Variants in GRIN3B observed in about 807,000 individuals in gnomAD.
The protein encoded by GRIN3B is glutamate receptor ionotropic, NMDA 3B.
A neutral mutation model predicts 66.0 loss-of-function variants in GRIN3B; 77 were observed. That is an observed-to-expected ratio of 1.17 (90% CI 0.97 to 1.41). GRIN3B has a LOEUF of 1.41. Ranked by LOEUF, GRIN3B falls within the 40% of genes most tolerant of loss-of-function variation. GRIN3B has a pLI of 0.00. For missense variants in GRIN3B, 1,787 were observed against 1,564.5 expected, an observed-to-expected ratio of 1.14 and a Z score of -2.40; for synonymous variants, 823 against 749.7, an observed-to-expected ratio of 1.10 and a Z score of -1.60.
chr19:1,008,850 G>A lies in GRIN3B; in HGVS notation c.2632-7G>A, dbSNP rs1290337098. ...TCCTCGCCAACCGGGTCTGTCTGGG[G>A]TCTTAGAAAATCCACCGCGCCCTCA... is the stretch of plus-strand genomic sequence containing the variant. On this transcript the variant is annotated splice_region_variant and splice_polypyrimidine_tract_variant and intron_variant, in intron 7 of 8. Transcript: ENST00000234389. The A allele has an allele frequency of 2.5e-6, 4 of 1,606,228 alleles. No homozygotes were observed. The African/African-American group carries it at 4.0e-5, about 16-fold the overall frequency.
rs767970672 is a variant in GRIN3B, at chr19:1,009,550, C to T, written c.3080C>T (p.Ala1027Val). 31 of 1,463,062 alleles carry T rather than the reference C, an allele frequency of 2.1e-5. No individual in the cohort carries two copies. The African/African-American group carries it at 3.6e-4, about 17-fold the overall frequency. 90.6% of individuals were successfully genotyped at this position (1,463,062 alleles called of 1,614,324 possible). A position where few individuals can be genotyped will look rare whatever the true frequency, so the allele number is the denominator to read the frequency against. The change falls in exon 9 of 9, where the codon GCG becomes GTG. Residue 1027 changes from alanine to valine, a missense_variant. Transcript: ENST00000234389. ...HRPRRLLQAR[A>V]APAEAPPHSG... is the part of the protein sequence containing the mutation. ...CCTCGGCGCTTGCTTCAGGCCAGAG[C>T]GGCCCCCGCGGAGGCCCCACCACAC...
rs2038805200 is a variant in GRIN3B, at chr19:1,009,154, A to G, written c.2703-19A>G. 6.9e-7 allele frequency: 1 copy of G among 1,451,536 alleles called. No individual in the cohort carries two copies. Among genetic ancestry groups the G allele is most frequent in the Non-Finnish European group, 9.0e-7 (1 of 1,111,168 alleles). The allele number at this position is 1,451,536 out of a possible 1,614,324, so 89.9% of individuals were successfully genotyped here. On this transcript the variant is annotated intron_variant, in intron 8 of 8. Transcript: ENST00000234389. ...ACGGCTGCCCCGGCGGACACTGACC[A>G]GGCCGGTTCCGTCCCCAGCGGCCCC...
intron 6 of GRIN3B, 107 bp from the exon 7 acceptor site, chr19:1,008,511 C>A: frequency 7.4e-7 from 1 of 1,350,734 alleles, no homozygotes; most frequent in Non-Finnish European, 1.0e-6. Flanking sequence ...CCTGGCTCCA[C>A]TGCCCCAAGC....
intron 1 of GRIN3B, 115 bp from the exon 2 acceptor site, chr19:1,003,004 GGGGGAGGTGGA>G (rs1052875249): frequency 5.2e-5 from 31 of 600,832 alleles, no homozygotes; most frequent in Non-Finnish European, 8.4e-6. Context: ...GCTGGGGCTG[GGGGGAGGTGGA>G]GGGGAGGTGC....
chr19:1,007,972 G>A lies in GRIN3B; in HGVS notation c.2314+1G>A. ...GTGGGAAAGCCCTTCGCCATTGAGG[G>A]TGAGAGGCACCTGGGCGAGGCGGGG... On this transcript the variant is annotated splice_donor_variant, in intron 5 of 8. Coordinates refer to ENST00000234389, the MANE Select transcript of GRIN3B (RefSeq NM_138690.3). LOFTEE classifies it high-confidence loss of function. The surrounding 1 kb of genome is among the most constrained non-coding windows in gnomAD (Gnocchi z 4.4). The A allele has an allele frequency of 1.2e-6, 2 of 1,611,802 alleles. No individual in the cohort carries two copies. The highest frequency in any genetic ancestry group is 1.7e-6 in the Non-Finnish European group (2 of 1,179,354).
intron 1 of GRIN3B, chr19:1,002,612 GC>G (rs1437336316): frequency 6.5e-6 from 1 of 153,304 alleles, no homozygotes; most frequent in East Asian, 1.9e-4. Flanking sequence ...TAAGCACAAG[GC>G]CATCGGTGGG....
In GRIN3B at chr19:1,007,612, G is replaced by C. The variant is rs920076743; in HGVS notation, c.2053-16G>C. On this transcript the variant is annotated splice_polypyrimidine_tract_variant and intron_variant, in intron 3 of 8. Transcript: ENST00000234389. The surrounding 1 kb of genome is among the most constrained non-coding windows in gnomAD (Gnocchi z 4.4). ...CTGAGGGGCAGGCAGAGGCGCTGAC[G>C]GGGTCCCCCGCGCAGCTGCACCACC... 2.0e-6 allele frequency: 3 copies of C among 1,481,036 alleles called. No individual in the cohort carries two copies. Among genetic ancestry groups the C allele is most frequent in the Non-Finnish European group, 2.7e-6 (3 of 1,118,678 alleles). 91.7% of individuals were successfully genotyped at this position (1,481,036 alleles called of 1,614,324 possible). A position where few individuals can be genotyped will look rare whatever the true frequency, so the allele number is the denominator to read the frequency against.
At position 1,009,184 on chromosome 19, in the gene GRIN3B, T is replaced by C; in HGVS notation, c.2714T>C (p.Val905Ala). Residue 905 changes from valine to alanine, a missense_variant, in exon 9 of 9, where the codon GTG becomes GCG. Physicochemically the swap from Val to Ala is moderately conservative, Grantham distance 64. Transcript: ENST00000234389. ...TAEAEPSGPE[V>A]EQQQQQQDQP... is the part of the protein sequence containing the mutation. ...GGTTCCGTCCCCAGCGGCCCCGAGG[T>C]GGAGCAGCAGCAGCAGCAGCAGGAC... 6.8e-7 allele frequency: 1 copy of C among 1,471,634 alleles called. No individual in the cohort carries two copies. The highest frequency in any genetic ancestry group is 8.9e-7 in the Non-Finnish European group (1 of 1,122,914). 91.2% of individuals were successfully genotyped at this position (1,471,634 alleles called of 1,614,324 possible). A position where few individuals can be genotyped will look rare whatever the true frequency, so the allele number is the denominator to read the frequency against.
Position 1,009,470 on chromosome 19 carries a change from C to G in GRIN3B, c.3000C>G (p.Ala1000=). 6.7e-7 allele frequency: 1 copy of G among 1,483,988 alleles called. No homozygotes were observed. Among genetic ancestry groups the G allele is most frequent in the Non-Finnish European group, 8.9e-7 (1 of 1,123,984 alleles). 91.9% of individuals were successfully genotyped at this position (1,483,988 alleles called of 1,614,324 possible). A position where few individuals can be genotyped will look rare whatever the true frequency, so the allele number is the denominator to read the frequency against. The change falls in exon 9 of 9, where the codon GCC becomes GCG. Residue 1000 remains alanine (A), a synonymous_variant. Transcript: ENST00000234389. The part of the protein sequence containing the change: ...IEVARERLRQ[A]LVRRGQLLAQ... ...TCGCGCGTGAGCGGCTCCGCCAGGC[C>G]CTGGTGCGGCGCGGCCAGCTCCTGG...
intron 2 of GRIN3B, 64 bp from the exon 3 acceptor site, chr19:1,004,457 C>A (rs900328919): frequency 5.2e-5 from 73 of 1,394,296 alleles, no homozygotes; most frequent in Admixed American, 7.9e-5. Flanking sequence ...ACGTGCTGGG[C>A]AGGGGTGAGA....
chr19:1,003,342 A>G lies in GRIN3B; in HGVS notation c.639A>G (p.Ala213=). 3.8e-6 allele frequency: 6 copies of G among 1,580,150 alleles called. No homozygotes were observed. The highest frequency in any genetic ancestry group is 5.1e-6 in the Non-Finnish European group (6 of 1,166,746). Residue 213 remains alanine (A), a synonymous_variant, in exon 2 of 9, where the codon GCA becomes GCG. Transcript: ENST00000234389. ...LDLSRRDTGD[A]GLRARLAPMA... ...TAAGCCGGCGGGACACGGGAGATGC[A>G]GGACTGCGGGCACGCCTGGCCCCGA...
In GRIN3B at chr19:1,004,617, C is replaced by T. The variant is rs767446155; in HGVS notation, c.1116C>T (p.Ser372=). ...TGTCTCGGCACTTTAAGGTGTGGAG[C>T]CTTCGCCGGGACCCACGGGGCGCCC... The part of the protein sequence containing the change: ...VHMSRHFKVW[S]LRRDPRGAPA... The change falls in exon 3 of 9, where the codon AGC becomes AGT. Residue 372 remains serine, a synonymous_variant. Coordinates refer to ENST00000234389, the MANE Select transcript of GRIN3B (RefSeq NM_138690.3). 3.7e-6 allele frequency: 6 copies of T among 1,604,276 alleles called. No homozygotes were observed. Among genetic ancestry groups the T allele is most frequent in the Non-Finnish European group, 3.4e-6 (4 of 1,176,074 alleles).
chr19:1,003,193 G>A lies in GRIN3B; in HGVS notation c.490G>A (p.Ala164Thr). The stretch of plus-strand genomic sequence containing the variant: ...GGAGACGCTGCTGGATGTGCTGGTG[G>A]CGGTGCTGCAGGCGCACGCCTGGGA... ...PLETLLDVLV[A>T]VLQAHAWEDV... Residue 164 changes from alanine to threonine, a missense_variant, in exon 2 of 9, where the codon GCG becomes ACG. Coordinates refer to ENST00000234389, the MANE Select transcript of GRIN3B (RefSeq NM_138690.3). 6.6e-7 allele frequency: 1 copy of A among 1,525,100 alleles called. No individual in the cohort carries two copies. Among genetic ancestry groups the A allele is most frequent in the Non-Finnish European group, 8.8e-7 (1 of 1,138,674 alleles). 94.5% of individuals were successfully genotyped at this position (1,525,100 alleles called of 1,614,324 possible).
chr19:1,001,282 G>A (rs540346926), intron 1 of GRIN3B, among the ~76,000 whole-genome samples: 262 of 152,068 alleles, frequency 1.7e-3, no homozygotes, highest in African/African-American at 5.7e-3. Context: ...TGGGCTGGAG[G>A]ACAGGCGGTC....
rs905093376 is a variant in GRIN3B at position 1,007,622 on chromosome 19, G to A, written c.2053-6G>A. On this transcript the variant is annotated splice_region_variant and splice_polypyrimidine_tract_variant and intron_variant, in intron 3 of 8. Coordinates refer to ENST00000234389, the MANE Select transcript of GRIN3B (RefSeq NM_138690.3). This position sits in a 1 kb window ranked among gnomAD's most constrained non-coding sequence, Gnocchi z 4.4. ...GGCAGAGGCGCTGACGGGGTCCCCC[G>A]CGCAGCTGCACCACCCGGCGCAGGG... The A allele has an allele frequency of 7.4e-6, 11 of 1,493,908 alleles. No individual in the cohort carries two copies. In the African/African-American group the frequency reaches 1.0e-4, roughly 14 times the overall value. 92.5% of individuals were successfully genotyped at this position (1,493,908 alleles called of 1,614,324 possible).
intron 3 of GRIN3B, among the ~76,000 whole-genome samples, chr19:1,006,042 G>C (rs1397040026): frequency 1.3e-5 from 2 of 152,154 alleles, no homozygotes; most frequent in Non-Finnish European, 2.9e-5. Flanking sequence ...AGAGATGGGG[G>C]GCTGGCTATG....
At position 1,009,169 on chromosome 19, in the gene GRIN3B, C is replaced by G; in HGVS notation, c.2703-4C>G. ...GACACTGACCAGGCCGGTTCCGTCCCCAGCGGCCCCGAGGTGGAGCAGCAG... is the reference window on the plus strand; with the variant it reads ...GACACTGACCAGGCCGGTTCCGTCCGCAGCGGCCCCGAGGTGGAGCAGCAG... On this transcript the variant is annotated splice_region_variant and splice_polypyrimidine_tract_variant and intron_variant, in intron 8 of 8. Transcript: ENST00000234389. 6.8e-7 allele frequency: 1 copy of G among 1,463,522 alleles called. No homozygotes were observed. The highest frequency in any genetic ancestry group is 8.9e-7 in the Non-Finnish European group (1 of 1,118,786). 90.7% of individuals were successfully genotyped at this position (1,463,522 alleles called of 1,614,324 possible).
chr19:1,007,595 C>G lies in GRIN3B; in HGVS notation c.2053-33C>G. On this transcript the variant is annotated intron_variant, in intron 3 of 8. Coordinates refer to ENST00000234389, the MANE Select transcript of GRIN3B (RefSeq NM_138690.3). The surrounding 1 kb of genome is among the most constrained non-coding windows in gnomAD (Gnocchi z 4.4). The stretch of plus-strand genomic sequence containing the variant: ...CTCAATGGTCAGGGGTCCTGAGGGG[C>G]AGGCAGAGGCGCTGACGGGGTCCCC... The G allele has an allele frequency of 6.9e-7, 1 of 1,456,076 alleles. No individual in the cohort carries two copies. Among genetic ancestry groups the G allele is most frequent in the Non-Finnish European group, 9.0e-7 (1 of 1,106,628 alleles). 90.2% of individuals were successfully genotyped at this position (1,456,076 alleles called of 1,614,324 possible).
At position 1,004,511 on chromosome 19, in the gene GRIN3B, C is replaced by T; in HGVS notation, c.1020-10C>T. The T allele has an allele frequency of 6.4e-7, 1 of 1,562,598 alleles. No individual in the cohort carries two copies. The highest frequency in any genetic ancestry group is 8.7e-7 in the Non-Finnish European group (1 of 1,148,124). ...TTCGACACCTGACACCCCCCCCGCC[C>T]TGCCCCTAGGTTCCTGGCCAACACG... On this transcript the variant is annotated splice_polypyrimidine_tract_variant and intron_variant, in intron 2 of 8. Coordinates refer to ENST00000234389, the MANE Select transcript of GRIN3B (RefSeq NM_138690.3).
Sources: allele counts gnomAD v4.1 joint callset (sites outside exome capture counted in the v4.1 genomes callset), GRCh38; gene constraint gnomAD v4.1.1; non-coding constraint Gnocchi (gnomAD v3.1); transcripts MANE v1.5; gene names NCBI Gene and HGNC (gene_info 2026-07-23, HGNC 2026-07-21).